The following AFF3 variants were observed in gnomAD, a reference collection of about 807,000 sequenced individuals.
AFF3 encodes ALF transcription elongation factor 3.
Under a neutral mutation model 129.7 loss-of-function variants are expected in AFF3, and 32 were observed. The ratio of observed to expected loss-of-function variants is 0.25; its 90% confidence interval spans 0.19 to 0.33. The LOEUF is 0.33. AFF3 is among the 10% of genes least tolerant of loss of function. The pLI is 1.00. For synonymous variants in AFF3, 644 were observed against 635.4 expected (o/e 1.01, Z -0.20); for missense variants, 1,373 against 1,592.0 (o/e 0.86, Z 2.34).
chr2:99,764,890 T>A (rs1286802854), intron 8 of AFF3, among the ~76,000 whole-genome samples: 1 of 152,068 alleles, frequency 6.6e-6, no homozygotes, highest in African/African-American at 2.4e-5. Context: ...TTGGCCTGAT[T>A]TTAAATTTTA....
chr2:99,753,512 C>T (rs1041801126), intron 8 of AFF3, among the ~76,000 whole-genome samples: 4 of 152,162 alleles, frequency 2.6e-5, no homozygotes, highest in African/African-American at 7.2e-5. Context: ...AGGACATTTC[C>T]TTACCTCCCT....
intron 8 of AFF3, among the ~76,000 whole-genome samples, chr2:99,777,960 A>C (rs917950395): frequency 2.6e-5 from 4 of 151,302 alleles, no homozygotes; most frequent in East Asian, 1.9e-4. Context: ...AAAAAAAAAA[A>C]AAAAAAAAAA....
chr2:99,768,168 T>G (rs1683175316), intron 8 of AFF3, among the ~76,000 whole-genome samples: 1 of 152,228 alleles, frequency 6.6e-6, no homozygotes, highest in African/African-American at 2.4e-5. Context: ...TGAAAAAGTA[T>G]TTATTGAAAA....
chr2:99,546,626 A>G lies in AFF3; in HGVS notation c.*4848T>C, dbSNP rs1674080356. The G allele has an allele frequency of 1.3e-5, 3 of 232,314 alleles. No homozygotes were observed. The highest frequency in any genetic ancestry group is 1.8e-4 in the South Asian group (1 of 5,504). 14.4% of individuals were successfully genotyped at this position (232,314 alleles called of 1,614,324 possible). A position where few individuals can be genotyped will look rare whatever the true frequency, so the allele number is the denominator to read the frequency against. ...AAGGAAAAGGGTTGGAGATAAGACT[A>G]AAAATGAAGTTAACAAACTTACCCT... is the stretch of plus-strand genomic sequence containing the variant. On this transcript the variant is annotated 3_prime_UTR_variant, in exon 25 of 25. Transcript: ENST00000672756.
chr2:99,563,563 C>T (rs1312410387), intron 20 of AFF3, among the ~76,000 whole-genome samples: 2 of 151,112 alleles, frequency 1.3e-5, no homozygotes, highest in African/African-American at 2.4e-5. Flanking sequence ...GTAATCTCAG[C>T]ACTTTGGGAG....
chr2:99,780,005 A>T lies in AFF3; in HGVS notation c.922-27704T>A, dbSNP rs975714837. On this transcript the variant is annotated intron_variant, in intron 8 of 24. Transcript: ENST00000672756. Reference sequence around the variant, plus strand: ...AGATAAAGAACACATCTCATTCAAAACTAGAATCCCAGCATCTGAAGGACT... The same window carrying T: ...AGATAAAGAACACATCTCATTCAAATCTAGAATCCCAGCATCTGAAGGACT... Among the ~76,000 whole-genome samples, 3 of 152,206 alleles carry T rather than the reference A, an allele frequency of 2.0e-5. 1 individual carries two copies. The highest frequency in any genetic ancestry group is 4.4e-5 in the Non-Finnish European group (3 of 68,038).
chr2:99,674,729 G>A (rs1038161175), intron 11 of AFF3, among the ~76,000 whole-genome samples: 1 of 152,146 alleles, frequency 6.6e-6, no homozygotes, highest in Non-Finnish European at 1.5e-5. Flanking sequence ...GGACAATACT[G>A]TGCGTGGATT....
At chr2:100,103,688 G>C (rs1367179821) in intron 4 of AFF3, among the ~76,000 whole-genome samples, 2 of 151,948 alleles carry the variant, frequency 1.3e-5, no homozygotes, top group Non-Finnish European at 2.9e-5. Context: ...CCCGGGCTGC[G>C]AGCTGTGAGC....
At chr2:100,046,401 A>G (rs903555480) in intron 4 of AFF3, among the ~76,000 whole-genome samples, 6 of 152,120 alleles carry the variant, frequency 3.9e-5, no homozygotes, top group African/African-American at 1.4e-4. Context: ...TAAATAGTCA[A>G]TAAGTGGTAG....
intron 13 of AFF3, among the ~76,000 whole-genome samples, chr2:99,639,398 G>A (rs1230462049): frequency 6.6e-6 from 1 of 152,178 alleles, no homozygotes; most frequent in East Asian, 1.9e-4. Flanking sequence ...CTCTCTGTTG[G>A]AGCAGTGAGG....
intron 4 of AFF3, among the ~76,000 whole-genome samples, chr2:100,077,228 G>A (rs1335926300): frequency 6.6e-6 from 1 of 152,116 alleles, no homozygotes; most frequent in Non-Finnish European, 1.5e-5. Flanking sequence ...CAGCCTGGGC[G>A]ACAGTGAGAC....
chr2:99,597,096 G>T lies in AFF3; in HGVS notation c.1372-2807C>A, dbSNP rs1483482987. ...TTATCATCCCTAACTTGTAGATGAG[G>T]CTCAGAGAGGCTAAGGGACATACCC... On this transcript the variant is annotated intron_variant, in intron 14 of 24. Coordinates refer to ENST00000672756, the MANE Select transcript of AFF3 (RefSeq NM_001386135.1). Among the ~76,000 whole-genome samples, 4 of 152,244 alleles carry T rather than the reference G, an allele frequency of 2.6e-5. No individual in the cohort carries two copies. The East Asian group carries it at 7.7e-4, about 29-fold the overall frequency.
At chr2:99,823,566 A>AAT (rs1208824741) in intron 8 of AFF3, among the ~76,000 whole-genome samples, 2 of 152,226 alleles carry the variant, frequency 1.3e-5, no homozygotes, top group Non-Finnish European at 2.9e-5. Context: ...ATAAGTGTAA[A>AAT]ATAAGCATGC....
In AFF3 at chr2:99,593,802, A is replaced by G. The variant is rs1166693726; in HGVS notation, c.1859T>C (p.Val620Ala). Residue 620 changes from valine to alanine, a missense_variant, in exon 15 of 25, where the codon GTC (valine) becomes GCC (alanine). This residue lies in a region of AFF3 where 466 missense variants were observed against 505.0 expected (regional missense o/e 0.92). Coordinates refer to ENST00000672756, the MANE Select transcript of AFF3 (RefSeq NM_001386135.1). ...CCTGGTTTTGGTGGGCTCCGGGGGG[A>G]CCACCACGCTCGTCCCCAGCGCGTC... ...AADALGTSVV[V>A]PPEPTKTRPC... The G allele has an allele frequency of 1.2e-6, 2 of 1,608,898 alleles. No individual in the cohort carries two copies. The highest frequency in any genetic ancestry group is 2.7e-5 in the African/African-American group (2 of 74,126).
intron 4 of AFF3, among the ~76,000 whole-genome samples, chr2:100,090,145 T>C (rs1268122133): frequency 4.2e-5 from 5 of 120,136 alleles, no homozygotes; most frequent in Non-Finnish European, 8.6e-5. Flanking sequence ...ATGGTCTGAC[T>C]TTGTACAGAC....
At position 99,749,566 on chromosome 2, in the gene AFF3, G is replaced by T. The variant is rs1575861266; in HGVS notation, c.1002+2655C>A. ...GCTAGATTACGTGCAAAGATTCTAA[G>T]CATTGTGCATTTTATTCTAAGGATG... On this transcript the variant is annotated intron_variant, in intron 9 of 24. Transcript: ENST00000672756. 3.3e-5 allele frequency among the ~76,000 whole-genome samples: 5 copies of T among 152,328 alleles called. 1 individual carries two copies. Among genetic ancestry groups the T allele is most frequent in the Admixed American group, 3.3e-4 (5 of 15,298 alleles).
At chr2:99,693,542 GAA>G (rs1349238692) in intron 11 of AFF3, among the ~76,000 whole-genome samples, 1 of 152,022 alleles carries the variant, frequency 6.6e-6, no homozygotes, top group African/African-American at 2.4e-5. Context: ...AAAGAAAAAT[GAA>G]AGAGTTGATG....
intron 2 of AFF3, chr2:100,106,663 A>C: frequency 8.1e-6 from 8 of 986,274 alleles, no homozygotes; most frequent in Middle Eastern, 5.2e-4. Context: ...TCCTGGCTGC[A>C]GCTGGGAAGC....
At chr2:99,568,588 C>T (rs1343296293) in intron 19 of AFF3, among the ~76,000 whole-genome samples, 1 of 152,174 alleles carries the variant, frequency 6.6e-6, no homozygotes, top group Non-Finnish European at 1.5e-5. Context: ...CGCCCACTGC[C>T]TCCACTGGCT....
Sources: allele counts gnomAD v4.1 joint callset (sites outside exome capture counted in the v4.1 genomes callset), GRCh38; gene constraint gnomAD v4.1.1; regional missense constraint gnomAD v4.1.1; transcripts MANE v1.5; gene names NCBI Gene and HGNC (gene_info 2026-07-23, HGNC 2026-07-21).